The following MTRFR variants were observed in gnomAD, a reference collection of about 807,000 sequenced individuals.
The protein encoded by MTRFR is mitochondrial translation release factor in rescue.
In MTRFR, 10 loss-of-function variants were observed where a neutral mutation model predicts 11.9. The observed-to-expected ratio is 0.84, with a 90% CI of 0.52 to 1.42. MTRFR has a LOEUF of 1.42. Ranked by LOEUF, MTRFR falls within the 40% of genes most tolerant of loss-of-function variation. The pLI, the probability that MTRFR is intolerant of heterozygous loss-of-function variation, is 0.00. For synonymous variants in MTRFR, 77 were observed against 79.1 expected, an observed-to-expected ratio of 0.97 and a Z score of 0.14; for missense variants, 196 against 197.9, an observed-to-expected ratio of 0.99 and a Z score of 0.06.
intron 1 of MTRFR, among the ~76,000 whole-genome samples, chr12:123,238,607 C>G (rs1446011100): frequency 2.6e-5 from 4 of 152,122 alleles, no homozygotes; most frequent in African/African-American, 9.7e-5. Flanking sequence ...CCCATCTCTA[C>G]TTTTTTAGAA....
In MTRFR at chr12:123,242,068, A is replaced by G. The variant is rs181916526; in HGVS notation, c.-29+8537A>G. Among the ~76,000 whole-genome samples, 338 of 152,346 alleles carry G rather than the reference A, an allele frequency of 2.2e-3. 1 individual carries two copies. The highest frequency in any genetic ancestry group is 4.0e-3 in the Non-Finnish European group (270 of 68,026). ...AGACTCTTTAGGCTCTCTGAAGCCC[A>G]TGCCTGATACTCAATAGATGTTTTA... On this transcript the variant is annotated intron_variant, in intron 1 of 2. Coordinates refer to ENST00000253233, the MANE Select transcript of MTRFR (RefSeq NM_152269.5).
chr12:123,253,933 A>G lies in MTRFR; in HGVS notation c.259A>G (p.Ile87Val), dbSNP rs199569340. Reference sequence around the variant, plus strand: ...CAGCAACTGCGTGGTGCTGAAGCACATCCCCTCAGGCATCGTTGTAAAGGT... The same window carrying G: ...CAGCAACTGCGTGGTGCTGAAGCACGTCCCCTCAGGCATCGTTGTAAAGGT... ...KTSNCVVLKH[I>V]PSGIVVKCHQ... Residue 87 changes from isoleucine (I) to valine (V), a missense_variant, in exon 2 of 3, where the codon ATC becomes GTC. Transcript: ENST00000253233. 4 of 1,614,182 alleles carry G rather than the reference A, an allele frequency of 2.5e-6. No homozygotes were observed. The highest frequency in any genetic ancestry group is 4.5e-5 in the East Asian group (2 of 44,878).
chr12:123,255,633 GTT>G, intron 2 of MTRFR, among the ~76,000 whole-genome samples: 1 of 151,290 alleles, frequency 6.6e-6, no homozygotes, highest in African/African-American at 2.4e-5. Flanking sequence ...TTTTTGTTTC[GTT>G]TTGTTTTTTG....
At chr12:123,245,987 T>A (rs2048034136) in intron 1 of MTRFR, among the ~76,000 whole-genome samples, 1 of 152,198 alleles carries the variant, frequency 6.6e-6, no homozygotes, top group Non-Finnish European at 1.5e-5. Flanking sequence ...GTTCCAATTC[T>A]CAGGGGGAAC....
chr12:123,253,923 G>A lies in MTRFR; in HGVS notation c.249G>A (p.Val83=). Residue 83 remains valine (V), a synonymous_variant, in exon 2 of 3, where the codon GTG becomes GTA. Coordinates refer to ENST00000253233, the MANE Select transcript of MTRFR (RefSeq NM_152269.5). ...QATNKTSNCV[V]LKHIPSGIVV... ...CCAACAAAACCAGCAACTGCGTGGT[G>A]CTGAAGCACATCCCCTCAGGCATCG... The A allele has an allele frequency of 6.2e-7, 1 of 1,614,218 alleles. No individual in the cohort carries two copies. The highest frequency in any genetic ancestry group is 1.1e-5 in the South Asian group (1 of 91,088).
intron 1 of MTRFR, chr12:123,243,776 G>A (rs960335551): frequency 6.6e-6 from 1 of 152,216 alleles, no homozygotes; most frequent in Non-Finnish European, 1.5e-5. Context: ...AAGGTGACCA[G>A]TGTCATCTCA....
intron 1 of MTRFR, among the ~76,000 whole-genome samples, chr12:123,237,080 G>A (rs924554678): frequency 4.0e-5 from 6 of 151,538 alleles, no homozygotes; most frequent in Non-Finnish European, 5.9e-5. Flanking sequence ...GTGAGACTCC[G>A]GCTAAAAAAA....
chr12:123,242,509 T>C (rs546313515), intron 1 of MTRFR, among the ~76,000 whole-genome samples: 1 of 152,144 alleles, frequency 6.6e-6, no homozygotes, highest in Admixed American at 6.6e-5. Flanking sequence ...AGTGGAACCA[T>C]GGGTGTGTTT....
At chr12:123,252,931 T>C (rs2048131781) in intron 1 of MTRFR, among the ~76,000 whole-genome samples, 1 of 152,190 alleles carries the variant, frequency 6.6e-6, no homozygotes, top group Non-Finnish European at 1.5e-5. Flanking sequence ...TCTCAAAAAA[T>C]AAAATAGACT....
chr12:123,233,251 A>G (rs1370973387), upstream of MTRFR: 1 of 152,182 alleles, frequency 6.6e-6, no homozygotes, highest in Non-Finnish European at 1.5e-5. Context: ...CGCAGCTCCA[A>G]CCAAAGAGAG....
chr12:123,240,825 C>T (rs1189160402), intron 1 of MTRFR: 1 of 149,004 alleles, frequency 6.7e-6, no homozygotes, highest in Non-Finnish European at 1.5e-5. Flanking sequence ...CCTCCGACTC[C>T]CGAGTTGAAG....
rs760228307 is a variant in MTRFR at position 123,255,115 on chromosome 12, AT to A, written c.282+1161del. 4 of 152,232 alleles carry A rather than the reference AT, an allele frequency of 2.6e-5. 1 individual carries two copies. The highest frequency in any genetic ancestry group is 2.6e-4 in the Admixed American group (4 of 15,266). The allele number at this position is 152,232 out of a possible 1,614,324, so 9.4% of individuals were successfully genotyped here. A position where few individuals can be genotyped will look rare whatever the true frequency, so the allele number is the denominator to read the frequency against. On this transcript the variant is annotated intron_variant, in intron 2 of 2. Coordinates refer to ENST00000253233, the MANE Select transcript of MTRFR (RefSeq NM_152269.5). ...TGTGGGAGGAACTGTTCGAAGCAGC[AT>A]TAACTCTGCAGTCCCCAAAACCCCA...
Position 123,253,515 on chromosome 12 carries a change from A to G in MTRFR, c.-28-132A>G, listed in dbSNP as rs1034470778. ...CTTGCTGAATAATGTGTCTCTACTC[A>G]TTTCCTAAATTCCCTCGGTAACAGA... On this transcript the variant is annotated intron_variant, in intron 1 of 2. Coordinates refer to ENST00000253233, the MANE Select transcript of MTRFR (RefSeq NM_152269.5). 1.9e-5 allele frequency: 16 copies of G among 851,622 alleles called. No homozygotes were observed. The African/African-American group carries it at 2.3e-4, about 12-fold the overall frequency. 52.8% of individuals were successfully genotyped at this position (851,622 alleles called of 1,614,324 possible).
chr12:123,247,664 A>T (rs1323651715), intron 1 of MTRFR, among the ~76,000 whole-genome samples: 1 of 152,194 alleles, frequency 6.6e-6, no homozygotes, highest in African/African-American at 2.4e-5. Flanking sequence ...ATGAGGTACC[A>T]GCTGGGCACG....
intron 1 of MTRFR, among the ~76,000 whole-genome samples, chr12:123,237,106 T>C (rs1376159429): frequency 6.6e-6 from 1 of 150,616 alleles, no homozygotes; most frequent in Non-Finnish European, 1.5e-5. Flanking sequence ...AGAAGAAATA[T>C]GATACACACA....
At chr12:123,251,697 G>C (rs1194373210) in intron 1 of MTRFR, 6 of 166,126 alleles carry the variant, frequency 3.6e-5, no homozygotes. Context: ...GGGTCTCCCG[G>C]GCCCTGCAGG....
chr12:123,238,095 C>T (rs2047879297), intron 1 of MTRFR, among the ~76,000 whole-genome samples: 1 of 152,060 alleles, frequency 6.6e-6, no homozygotes, highest in East Asian at 1.9e-4. Flanking sequence ...GGGGTTTCAC[C>T]ATGTTGCCCA....
intron 1 of MTRFR, chr12:123,248,876 A>G (rs1482656511): frequency 6.6e-6 from 1 of 152,250 alleles, no homozygotes; most frequent in Admixed American, 6.5e-5. Context: ...TGGTGCGTTT[A>G]TAAACCTTGA....
chr12:123,251,777 A>G (rs889226934), intron 1 of MTRFR, among the ~76,000 whole-genome samples: 1 of 152,176 alleles, frequency 6.6e-6, no homozygotes, highest in Non-Finnish European at 1.5e-5. Context: ...CAGTTGATCT[A>G]GAGCTAAAAT....
Sources: gnomAD v4.1 joint callset for allele counts (sites outside exome capture counted in the v4.1 genomes callset) on GRCh38, gnomAD v4.1.1 for gene constraint, MANE v1.5 for transcripts, NCBI Gene and HGNC (gene_info 2026-07-23, HGNC 2026-07-21) for gene names.